Variants in HUWE1 observed in about 807,000 individuals in gnomAD.
HUWE1 encodes HECT, UBA and WWE domain containing E3 ubiquitin protein ligase 1.
In HUWE1, 18 loss-of-function variants were observed where a neutral mutation model predicts 299.4. The ratio of observed to expected loss-of-function variants is 0.06; its 90% CI spans 0.04 to 0.09. The LOEUF (loss-of-function observed/expected upper bound fraction) is 0.09. HUWE1 is among the 10% of genes least tolerant of loss of function. The pLI is 1.00. For synonymous variants in HUWE1, 1,317 were observed against 1,286.1 expected (o/e 1.02, Z -0.51); for missense variants, 1,832 against 3,462.3 (o/e 0.53, Z 11.82).
chrX:53,655,333 T>A (rs1242801340), intron 3 of HUWE1, among the ~76,000 whole-genome samples: 1 of 111,161 alleles, frequency 9.0e-6, no homozygotes, highest in African/African-American at 3.3e-5. Context: ...CTCAGTACTA[T>A]GGAAATAGCG....
chrX:53,632,582 C>A lies in HUWE1; in HGVS notation c.568-18G>T. 1 of 1,109,635 alleles carries A rather than the reference C, an allele frequency of 9.0e-7. No individual in the cohort carries two copies. The highest frequency in any genetic ancestry group is 1.2e-6 in the Non-Finnish European group (1 of 802,426). The allele number at this position is 1,109,635 out of a possible 1,213,427, so 91.4% of individuals were successfully genotyped here. Reference sequence around the variant, plus strand: ...GGATATTTCTGTGTATAAAGCACATCAAAGAATCAGACATTGAGTTTCAAC... The same window carrying A: ...GGATATTTCTGTGTATAAAGCACATAAAAGAATCAGACATTGAGTTTCAAC... On this transcript the variant is annotated intron_variant, in intron 8 of 83. Transcript: ENST00000262854.
chrX:53,568,718 T>C lies in HUWE1; in HGVS notation c.6681A>G (p.Arg2227=), dbSNP rs1556947891. The change falls in exon 49 of 84, where the codon AGA becomes AGG. Residue 2227 remains arginine, a synonymous_variant. Transcript: ENST00000262854. ...LKKGLVNDLA[R]VPHSLDLSSP... is the part of the protein sequence containing the mutation. ...TGGACAGGTCTAAGCTGTGAGGTAC[T>C]CTGGCCAGGTCATTAACCAGTCCCT... The C allele has an allele frequency of 8.3e-7, 1 of 1,210,933 alleles. No individual in the cohort carries two copies. The highest frequency in any genetic ancestry group is 1.1e-6 in the Non-Finnish European group (1 of 895,024).
intron 78 of HUWE1, among the ~76,000 whole-genome samples, 165 bp from the exon 79 acceptor site, chrX:53,536,832 G>A (rs782191810): frequency 8.9e-6 from 1 of 111,996 alleles, no homozygotes; most frequent in Admixed American, 9.4e-5. Context: ...TGGAGATCTG[G>A]GAGCAAACAA....
rs1043778981 is a variant in HUWE1, at chrX:53,645,060, T to G, written c.504+251A>C. 1.8e-4 allele frequency among the ~76,000 whole-genome samples: 20 copies of G among 112,389 alleles called. 1 individual carries two copies. In the East Asian group the frequency reaches 1.9e-3, roughly 11 times the overall value. ...TTGAATCTAATTTTGAACTTTCCTT[T>G]CAGAAGTGAAATTGCCACTTTTGAA... On this transcript the variant is annotated intron_variant, in intron 7 of 83. Coordinates refer to ENST00000262854, the MANE Select transcript of HUWE1 (RefSeq NM_031407.7).
At position 53,534,209 on chromosome X, in the gene HUWE1, G is replaced by C. The variant is rs373191749; in HGVS notation, c.12832-12C>G. On this transcript the variant is annotated splice_polypyrimidine_tract_variant and intron_variant, in intron 82 of 83. Transcript: ENST00000262854. ...CAGAACCACTGGATCTGTAGGAAGGGACCCATGAAGCCAGTGTTAGGTAGA... is the reference window on the plus strand; with the variant it reads ...CAGAACCACTGGATCTGTAGGAAGGCACCCATGAAGCCAGTGTTAGGTAGA... 8.4e-7 allele frequency: 1 copy of C among 1,193,055 alleles called. No individual in the cohort carries two copies. Among genetic ancestry groups the C allele is most frequent in the Non-Finnish European group, 1.1e-6 (1 of 880,758 alleles).
intron 38 of HUWE1, 48 bp from the exon 39 acceptor site, chrX:53,586,619 A>G: frequency 9.2e-7 from 1 of 1,087,254 alleles, no homozygotes; most frequent in East Asian, 3.1e-5. Context: ...AACCTGCACA[A>G]ATTGGGAAAA....
intron 23 of HUWE1, among the ~76,000 whole-genome samples, chrX:53,612,675 G>A (rs1557003496): frequency 8.9e-6 from 1 of 111,755 alleles, no homozygotes; most frequent in Non-Finnish European, 1.9e-5. Context: ...ACAAGATTGA[G>A]TTCTCATTTG....
intron 3 of HUWE1, among the ~76,000 whole-genome samples, chrX:53,669,505 G>A (rs1001511028): frequency 6.2e-5 from 7 of 112,283 alleles, no homozygotes; most frequent in African/African-American, 9.7e-5. Context: ...TAAAATGGAA[G>A]TACAATAACT....
intron 46 of HUWE1, 102 bp from the exon 47 acceptor site, chrX:53,574,066 C>T (rs2062972305): frequency 1.5e-6 from 1 of 668,055 alleles, no homozygotes; most frequent in East Asian, 3.3e-5. Flanking sequence ...CTTTAAGCCA[C>T]CTGTACAAAC....
Position 53,562,758 on chromosome X carries a change from G to A in HUWE1, c.7204+73C>T. ...CTGCACATGTGGGCAGCTGCCTCCAGGAAAACCCTAGTGTAGTGTCTGTCA... is the reference window on the plus strand; with the variant it reads ...CTGCACATGTGGGCAGCTGCCTCCAAGAAAACCCTAGTGTAGTGTCTGTCA... On this transcript the variant is annotated intron_variant, in intron 53 of 83. Coordinates refer to ENST00000262854, the MANE Select transcript of HUWE1 (RefSeq NM_031407.7). 2.3e-6 allele frequency: 2 copies of A among 851,576 alleles called. 1 individual carries two copies. Among genetic ancestry groups the A allele is most frequent in the South Asian group, 4.0e-5 (2 of 49,604 alleles). 70.2% of individuals were successfully genotyped at this position (851,576 alleles called of 1,213,427 possible).
At position 53,632,472 on chromosome X, in the gene HUWE1, C is replaced by G. The variant is rs1557023591; in HGVS notation, c.645+15G>C. 2 of 1,158,654 alleles carry G rather than the reference C, an allele frequency of 1.7e-6. No individual in the cohort carries two copies. The highest frequency in any genetic ancestry group is 3.5e-5 in the African/African-American group (2 of 56,787). On this transcript the variant is annotated intron_variant, in intron 9 of 83. Transcript: ENST00000262854. ...AATTGTAGACTTTGTCAGAACAAAT[C>G]TGAATCAGACTCACCCTTTTCTCAA... is the stretch of plus-strand genomic sequence containing the variant.
rs150693866 is a variant in HUWE1, at chrX:53,669,959, A to C, written c.-25+10090T>G. ...AAAATAGCAAACATGTTATAGTTTAAAACAGTTGAAAAAAGGAAGGGAAAA... is the reference window on the plus strand; with the variant it reads ...AAAATAGCAAACATGTTATAGTTTACAACAGTTGAAAAAAGGAAGGGAAAA... On this transcript the variant is annotated intron_variant, in intron 3 of 83. Coordinates refer to ENST00000262854, the MANE Select transcript of HUWE1 (RefSeq NM_031407.7). Among the ~76,000 whole-genome samples, 61 of 112,567 alleles carry C rather than the reference A, an allele frequency of 5.4e-4. No individual in the cohort carries two copies. The East Asian group carries it at 0.016, about 29-fold the overall frequency.
intron 19 of HUWE1, among the ~76,000 whole-genome samples, chrX:53,618,535 A>G (rs1275254372): frequency 9.0e-6 from 1 of 110,622 alleles, no homozygotes; most frequent in Non-Finnish European, 1.9e-5. Context: ...AGGAAGTGAC[A>G]GCAAAGCAGA....
intron 8 of HUWE1, among the ~76,000 whole-genome samples, chrX:53,633,942 A>T (rs2067037499): frequency 8.9e-6 from 1 of 112,035 alleles, no homozygotes; most frequent in South Asian, 3.7e-4. Context: ...TCTGGGATTT[A>T]AAAAAAATCA....
chrX:53,566,622 T>C (rs2062588716), intron 49 of HUWE1, among the ~76,000 whole-genome samples: 1 of 110,976 alleles, frequency 9.0e-6, no homozygotes, highest in African/African-American at 3.3e-5. Context: ...AGCTAATTAT[T>C]GTATTTTTTT....
Position 53,535,446 on chromosome X carries a change from A to G in HUWE1, c.12587T>C (p.Ile4196Thr). ...VRDLKPNGAN[I>T]LVTEENKKEY... The stretch of plus-strand genomic sequence containing the variant: ...CTTCTTATTCTCCTCTGTTACCAAG[A>G]TGTTGGCCCCATTGGGTTTGAGGTC... Residue 4196 changes from isoleucine (I) to threonine (T), a missense_variant, in exon 81 of 84, where the codon ATC becomes ACC. Transcript: ENST00000262854. The G allele has an allele frequency of 8.3e-7, 1 of 1,209,969 alleles. No individual in the cohort carries two copies. Among genetic ancestry groups the G allele is most frequent in the Non-Finnish European group, 1.1e-6 (1 of 894,074 alleles).
chrX:53,666,588 T>C (rs782683024), intron 3 of HUWE1, among the ~76,000 whole-genome samples: 1 of 111,619 alleles, frequency 9.0e-6, no homozygotes, highest in African/African-American at 3.3e-5. Flanking sequence ...CTACATCAAG[T>C]ACAAACTCCT....
Position 53,536,129 on chromosome X carries a change from T to G in HUWE1, c.12531+18A>C. 9.4e-7 allele frequency: 1 copy of G among 1,068,385 alleles called. No individual in the cohort carries two copies. Among genetic ancestry groups the G allele is most frequent in the Non-Finnish European group, 1.3e-6 (1 of 765,225 alleles). 88.0% of individuals were successfully genotyped at this position (1,068,385 alleles called of 1,213,427 possible). ...CAGATTGGCTGGGATGTGCTGTGAT[T>G]AGGATTTCCTGACCTACCTCAGTGC... On this transcript the variant is annotated intron_variant, in intron 80 of 83. Coordinates refer to ENST00000262854, the MANE Select transcript of HUWE1 (RefSeq NM_031407.7).
chrX:53,622,978 T>C (rs1557013606), intron 19 of HUWE1, among the ~76,000 whole-genome samples: 1 of 111,723 alleles, frequency 9.0e-6, no homozygotes, highest in African/African-American at 3.3e-5. Context: ...GTGTATTTTA[T>C]GGGAAAACTG....
Sources: allele counts gnomAD v4.1 joint callset (sites outside exome capture counted in the v4.1 genomes callset), GRCh38; gene constraint gnomAD v4.1.1; transcripts MANE v1.5; gene names NCBI Gene and HGNC (gene_info 2026-07-23, HGNC 2026-07-21).